The following SLC5A4 variants were observed in gnomAD, a reference collection of about 807,000 sequenced individuals.
The protein encoded by SLC5A4 is probable glucose sensor protein SLC5A4.
In SLC5A4, 55 loss-of-function variants were observed where a neutral mutation model predicts 70.3. The observed-to-expected ratio is 0.78, with a 90% CI of 0.63 to 0.98. The LOEUF is 0.98. Among genes scored for constraint, SLC5A4 ranks in the 50% least tolerant of loss-of-function variants. SLC5A4 has a pLI of 0.00. For missense variants in SLC5A4, 735 were observed against 839.2 expected (o/e 0.88, Z 1.53); for synonymous variants, 268 against 305.7 (o/e 0.88, Z 1.29).
the SLC5A4 span, among the ~76,000 whole-genome samples, chr22:32,340,151 T>C: frequency 5.3e-5 from 8 of 151,170 alleles, no homozygotes; most frequent in African/African-American, 1.7e-4. Flanking sequence ...GCCTCCTCGG[T>C]GTCTCCTTCA....
chr22:32,266,295 G>T, the SLC5A4 span, among the ~76,000 whole-genome samples: 1 of 152,246 alleles, frequency 6.6e-6, no homozygotes, highest in South Asian at 2.1e-4. Flanking sequence ...AAAGTAGAAC[G>T]GGGACAGAAA....
At chr22:32,257,221 A>G (rs1927531543), upstream of SLC5A4, among the ~76,000 whole-genome samples, 1 of 152,238 alleles carries the variant, frequency 6.6e-6, no homozygotes, top group Non-Finnish European at 1.5e-5. Flanking sequence ...AGAGAGATAT[A>G]TTCAACTTCT....
the SLC5A4 span, chr22:32,285,148 TGATA>T: frequency 6.6e-6 from 1 of 152,180 alleles, no homozygotes; most frequent in Non-Finnish European, 1.5e-5. Flanking sequence ...TGTGTATATA[TGATA>T]TATATATGCG....
At chr22:32,220,876 GCA>G (rs765108070) in intron 14 of SLC5A4, 42 bp downstream of exon 14, 6 of 1,193,420 alleles carry the variant, frequency 5.0e-6, no homozygotes, top group Non-Finnish European at 7.5e-6. Flanking sequence ...ACAAGCCTGT[GCA>G]CAGAGTTCCT....
the SLC5A4 span, chr22:32,271,673 G>T: frequency 3.4e-6 from 2 of 587,458 alleles, no homozygotes; most frequent in Non-Finnish European, 6.3e-6. Context: ...GACAGACTGA[G>T]GGGTGCTGCG....
chr22:32,310,374 CTGA>C, the SLC5A4 span, among the ~76,000 whole-genome samples: 1 of 152,190 alleles, frequency 6.6e-6, no homozygotes, highest in Non-Finnish European at 1.5e-5. Context: ...AGTGGCAGAG[CTGA>C]TGTCAGAATC....
At chr22:32,320,072 G>A in the SLC5A4 span, among the ~76,000 whole-genome samples, 2 of 152,170 alleles carry the variant, frequency 1.3e-5, no homozygotes, top group African/African-American at 4.8e-5. Context: ...CAGTTGCCAA[G>A]AAGAAAGAGA....
chr22:32,277,760 A>G, the SLC5A4 span, among the ~76,000 whole-genome samples: 2 of 152,170 alleles, frequency 1.3e-5, no homozygotes, highest in Non-Finnish European at 2.9e-5. Context: ...GTGTTAGCCA[A>G]GATGGTCTCG....
chr22:32,340,716 G>A, the SLC5A4 span, among the ~76,000 whole-genome samples: 26 of 152,294 alleles, frequency 1.7e-4, no homozygotes, highest in African/African-American at 5.1e-4. Flanking sequence ...GGGCTGGTGC[G>A]GCTGCAGCCA....
the SLC5A4 span, among the ~76,000 whole-genome samples, chr22:32,346,299 A>T: frequency 6.6e-6 from 1 of 152,202 alleles, no homozygotes; most frequent in Non-Finnish European, 1.5e-5. Context: ...GATAATCTAA[A>T]GAAAAGATAT....
chr22:32,311,403 A>C, the SLC5A4 span, among the ~76,000 whole-genome samples: 2 of 152,192 alleles, frequency 1.3e-5, no homozygotes, highest in South Asian at 4.1e-4. Flanking sequence ...TGGTATCACT[A>C]ACACCCATGG....
chr22:32,268,184 G>T, the SLC5A4 span: 2 of 152,132 alleles, frequency 1.3e-5, no homozygotes, highest in African/African-American at 4.8e-5. Flanking sequence ...TAGTAATTGT[G>T]CATAGTAGGC....
chr22:32,321,186 T>C, the SLC5A4 span, among the ~76,000 whole-genome samples: 25,182 of 152,192 alleles, frequency 0.17, 2,179 homozygotes, highest in East Asian at 0.3. Context: ...CTCAGGAGGC[T>C]GAGGCAGAAG....
chr22:32,306,601 C>T, the SLC5A4 span, among the ~76,000 whole-genome samples: 4 of 152,304 alleles, frequency 2.6e-5, no homozygotes, highest in Admixed American at 2.0e-4. Context: ...AGAGAGACCC[C>T]ATGCCTGCTC....
At chr22:32,324,073 A>T in the SLC5A4 span, among the ~76,000 whole-genome samples, 1 of 152,278 alleles carries the variant, frequency 6.6e-6, no homozygotes, top group Middle Eastern at 3.4e-3. Context: ...GGGAATGACA[A>T]GCACCAAATT....
chr22:32,285,165 T>C, the SLC5A4 span: 1 of 152,214 alleles, frequency 6.6e-6, no homozygotes, highest in Non-Finnish European at 1.5e-5. Context: ...TATATGCGTA[T>C]ATACGATATA....
At chr22:32,248,173 T>C (rs940397912) in intron 4 of SLC5A4, among the ~76,000 whole-genome samples, 1 of 152,196 alleles carries the variant, frequency 6.6e-6, no homozygotes, top group Non-Finnish European at 1.5e-5. Flanking sequence ...GGTTTCATGA[T>C]TGAAGAGAAA....
the SLC5A4 span, among the ~76,000 whole-genome samples, chr22:32,353,452 A>C: frequency 1.3e-5 from 2 of 152,018 alleles, no homozygotes; most frequent in Non-Finnish European, 2.9e-5. Context: ...TGTGCTCAGG[A>C]TCCCCGCGGA....
chr22:32,230,944 G>C, intron 10 of SLC5A4, 24 bp downstream of exon 10: 1 of 1,511,498 alleles, frequency 6.6e-7, no homozygotes, highest in Non-Finnish European at 9.2e-7. Context: ...CTCTGGGGCT[G>C]TCCCAGCAGG....
Sources: gnomAD v4.1 joint callset for allele counts (sites outside exome capture counted in the v4.1 genomes callset) on GRCh38, gnomAD v4.1.1 for gene constraint, MANE v1.5 for transcripts, NCBI Gene and HGNC (gene_info 2026-07-23, HGNC 2026-07-21) for gene names.